NPR3: variants seen among roughly 807,000 people sequenced by gnomAD.
The protein encoded by NPR3 is atrial natriuretic peptide receptor 3.
In NPR3, 34 loss-of-function variants were observed where a neutral mutation model predicts 54.5. That is an observed-to-expected ratio of 0.62 (90% confidence interval 0.47 to 0.83). The LOEUF is 0.83. NPR3 is among the 40% of genes least tolerant of loss of function. The pLI, the probability that NPR3 is intolerant of heterozygous loss-of-function variation, is 0.00. For missense variants in NPR3, 674 were observed against 720.8 expected, an observed-to-expected ratio of 0.94 and a Z score of 0.74; for synonymous variants, 289 against 297.1, an observed-to-expected ratio of 0.97 and a Z score of 0.28.
chr5:32,730,402 C>T (rs1739390462), intron 2 of NPR3, among the ~76,000 whole-genome samples: 1 of 152,112 alleles, frequency 6.6e-6, no homozygotes, highest in Non-Finnish European at 1.5e-5. Context: ...ATGCTTTTCC[C>T]ATAATACAGG....
At chr5:32,710,646 G>T (rs1333782838), upstream of NPR3, 2 of 1,485,364 alleles carry the variant, frequency 1.3e-6, no homozygotes, top group Non-Finnish European at 1.8e-6. Context: ...GGGCCAGCCG[G>T]GCACACCAGG....
chr5:32,746,331 G>T (rs1037900074), intron 3 of NPR3, among the ~76,000 whole-genome samples: 10 of 152,286 alleles, frequency 6.6e-5, no homozygotes, highest in African/African-American at 2.2e-4. Context: ...GGAGAGAAGG[G>T]TCAGCATCCA....
intron 1 of NPR3, among the ~76,000 whole-genome samples, chr5:32,699,795 T>C (rs985754139): frequency 4.6e-5 from 7 of 152,226 alleles, no homozygotes; most frequent in African/African-American, 1.4e-4. Flanking sequence ...TAGGGAGTTT[T>C]GTACCTTCAG....
intron 3 of NPR3, among the ~76,000 whole-genome samples, chr5:32,766,164 G>A (rs1012153463): frequency 2.0e-5 from 3 of 152,238 alleles, no homozygotes; most frequent in Non-Finnish European, 4.4e-5. Flanking sequence ...AGGGCGGGAA[G>A]TGGACTGGAG....
chr5:32,756,331 A>T (rs1740838357), intron 3 of NPR3, among the ~76,000 whole-genome samples: 1 of 152,072 alleles, frequency 6.6e-6, no homozygotes, highest in South Asian at 2.1e-4. Context: ...TGTGGTTTTG[A>T]TTTGCATTTC....
At position 32,729,014 on chromosome 5, in the gene NPR3, GTT is replaced by G. The variant is rs769970888; in HGVS notation, c.892+4208_892+4209del. Among the ~76,000 whole-genome samples, 932 of 98,508 alleles carry G rather than the reference GTT, an allele frequency of 9.5e-3. 37 individuals are homozygous for G. Among genetic ancestry groups the G allele is most frequent in the African/African-American group, 0.023 (551 of 23,478 alleles). The allele number at this position is 98,508 out of a possible 152,430, so 64.6% of individuals were successfully genotyped here. A position where few individuals can be genotyped will look rare whatever the true frequency, so the allele number is the denominator to read the frequency against. On this transcript the variant is annotated intron_variant, in intron 2 of 7. Coordinates refer to ENST00000265074, the MANE Select transcript of NPR3 (RefSeq NM_001204375.2). ...GCTGAATAATATTGTGTGCCTGTGT[GTT>G]TTTTTTTTTTTTTGTTTTGTTTTTT...
intron 2 of NPR3, among the ~76,000 whole-genome samples, chr5:32,726,062 G>A (rs768042256): frequency 2.1e-4 from 32 of 152,172 alleles, no homozygotes; most frequent in Non-Finnish European, 3.4e-4. Context: ...ACAGCATCGG[G>A]CTACAGAACA....
intron 3 of NPR3, among the ~76,000 whole-genome samples, chr5:32,745,059 G>T (rs957663308): frequency 6.6e-6 from 1 of 152,208 alleles, no homozygotes; most frequent in African/African-American, 2.4e-5. Context: ...GGCTGAGAAA[G>T]GTGGGGTGGC....
At chr5:32,745,231 C>G (rs1740233816) in intron 3 of NPR3, among the ~76,000 whole-genome samples, 1 of 152,120 alleles carries the variant, frequency 6.6e-6, no homozygotes, top group Non-Finnish European at 1.5e-5. Context: ...AGTGGGGGTT[C>G]TGAGGACCAT....
At position 32,774,756 on chromosome 5, in the gene NPR3, T is replaced by C. The variant is rs747679633; in HGVS notation, c.1108T>C (p.Leu370=). 36 of 1,606,728 alleles carry C rather than the reference T, an allele frequency of 2.2e-5. No individual in the cohort carries two copies. The highest frequency in any genetic ancestry group is 2.8e-5 in the Non-Finnish European group (33 of 1,173,404). ...CCACGATGCCATCCTCCTCTACGTC[T>C]TGGCTCTACATGAAGTACTCAGAGC... is the stretch of plus-strand genomic sequence containing the variant. ...GFHDAILLYV[L]ALHEVLRAGY... is the part of the protein sequence containing the mutation. Residue 370 remains leucine, a synonymous_variant, in exon 4 of 8, where the codon TTG becomes CTG. Coordinates refer to ENST00000265074, the MANE Select transcript of NPR3 (RefSeq NM_001204375.2).
chr5:32,728,835 GTGTATATATA>G (rs1194497379), intron 2 of NPR3, among the ~76,000 whole-genome samples: 976 of 60,584 alleles, frequency 0.016, 28 homozygotes, highest in African/African-American at 0.054. Flanking sequence ...GTGTGTGTGT[GTGTATATATA>G]TATATATATA....
intron 1 of NPR3, among the ~76,000 whole-genome samples, chr5:32,693,929 G>C (rs1469035902): frequency 6.6e-6 from 1 of 152,060 alleles, no homozygotes; most frequent in Non-Finnish European, 1.5e-5. Context: ...TCTGCTTCCG[G>C]CTCTCCTTCG....
intron 1 of NPR3, among the ~76,000 whole-genome samples, chr5:32,694,270 C>T (rs922814811): frequency 6.6e-6 from 1 of 152,324 alleles, no homozygotes; most frequent in South Asian, 2.1e-4. Flanking sequence ...AACAAGCAAA[C>T]ATTATACAGT....
At chr5:32,782,535 G>A (rs1742391900) in intron 5 of NPR3, among the ~76,000 whole-genome samples, 1 of 152,118 alleles carries the variant, frequency 6.6e-6, no homozygotes, top group South Asian at 2.1e-4. Flanking sequence ...GACAGGGCTG[G>A]GCCTTCAGTG....
chr5:32,779,551 C>T (rs1742232024), intron 4 of NPR3, among the ~76,000 whole-genome samples: 1 of 152,192 alleles, frequency 6.6e-6, no homozygotes. Flanking sequence ...CCAGAAATCT[C>T]ACAATTCTTC....
intron 1 of NPR3, among the ~76,000 whole-genome samples, chr5:32,719,434 G>A (rs1738730140): frequency 6.6e-6 from 1 of 152,126 alleles, no homozygotes; most frequent in Non-Finnish European, 1.5e-5. Flanking sequence ...AGTATTCTAG[G>A]TTGGAAATAA....
intron 1 of NPR3, among the ~76,000 whole-genome samples, chr5:32,721,707 A>G (rs936695657): frequency 4.6e-5 from 7 of 152,198 alleles, no homozygotes; most frequent in Non-Finnish European, 8.8e-5. Flanking sequence ...TGTCCATCAG[A>G]AGGACTTGGT....
intron 3 of NPR3, among the ~76,000 whole-genome samples, chr5:32,741,674 A>G (rs1288469482): frequency 1.3e-5 from 2 of 152,178 alleles, no homozygotes; most frequent in East Asian, 3.8e-4. Context: ...TAAAAATTAG[A>G]ATTTTAAGTA....
chr5:32,784,035 C>T (rs1742479210), intron 6 of NPR3, among the ~76,000 whole-genome samples: 1 of 152,198 alleles, frequency 6.6e-6, no homozygotes, highest in African/African-American at 2.4e-5. Context: ...GACATTTTGA[C>T]ATGAAACGCT....
Sources: gnomAD v4.1 joint callset for allele counts (sites outside exome capture counted in the v4.1 genomes callset) on GRCh38, gnomAD v4.1.1 for gene constraint, MANE v1.5 for transcripts, NCBI Gene and HGNC (gene_info 2026-07-23, HGNC 2026-07-21) for gene names.